The following PCNX1 variants were observed in gnomAD, a reference collection of about 807,000 sequenced individuals.
PCNX1 encodes pecanex 1.
PCNX1 carries 78 observed loss-of-function variants against 242.2 expected under a neutral mutation model. The observed-to-expected ratio is 0.32, with a 90% CI of 0.27 to 0.39. The LOEUF is 0.39. Among genes scored for constraint, PCNX1 ranks in the 10% least tolerant of loss-of-function variants. The pLI, the probability that PCNX1 is intolerant of heterozygous loss-of-function variation, is 1.00. For missense variants in PCNX1, 2,581 were observed against 2,856.5 expected (o/e 0.90, Z 2.20); for synonymous variants, 1,024 against 1,032.9 (o/e 0.99, Z 0.17).
In PCNX1 at chr14:71,026,241, CTT is replaced by C; in HGVS notation, c.3310_3311del (p.Phe1104HisfsTer41). 1 of 1,611,232 alleles carries C rather than the reference CTT, an allele frequency of 6.2e-7. No individual in the cohort carries two copies. The highest frequency in any genetic ancestry group is 8.5e-7 in the Non-Finnish European group (1 of 1,178,468). On this transcript the variant is annotated frameshift_variant, in exon 14 of 36. Transcript: ENST00000304743. LOFTEE classifies it high-confidence loss of function. ...ACCAAGTTCAAATTATATGGAATAA[CTT>C]TCACCAATCCACTGGTGTTTATATC...
chr14:70,955,009 G>T (rs1051657499), intron 2 of PCNX1, among the ~76,000 whole-genome samples: 1 of 152,110 alleles, frequency 6.6e-6, no homozygotes, highest in African/African-American at 2.4e-5. Flanking sequence ...GTACATTGTG[G>T]CTCTCAGTTT....
At chr14:71,027,055 A>C (rs1193839143) in intron 15 of PCNX1, 173 bp downstream of exon 15, 2 of 465,910 alleles carry the variant, frequency 4.3e-6, no homozygotes, top group African/African-American at 4.0e-5. Flanking sequence ...GATAGGAAAA[A>C]ATAGTCAAGT....
At chr14:71,065,515 A>G (rs913697241) in intron 26 of PCNX1, among the ~76,000 whole-genome samples, 2 of 152,176 alleles carry the variant, frequency 1.3e-5, no homozygotes, top group African/African-American at 2.4e-5. Flanking sequence ...GAGTCTGGAT[A>G]TTAACCCTTT....
intron 24 of PCNX1, among the ~76,000 whole-genome samples, chr14:71,053,054 A>G (rs1473304946): frequency 6.6e-6 from 1 of 152,102 alleles, no homozygotes; most frequent in Non-Finnish European, 1.5e-5. Context: ...ATAGGTGAAA[A>G]TTGTAATCTC....
intron 27 of PCNX1, among the ~76,000 whole-genome samples, chr14:71,074,399 A>G (rs1318175287): frequency 6.6e-6 from 1 of 152,242 alleles, no homozygotes; most frequent in Non-Finnish European, 1.5e-5. Flanking sequence ...CACGGAACTC[A>G]GCAAAGTTGT....
intron 1 of PCNX1, among the ~76,000 whole-genome samples, chr14:70,922,709 C>T (rs1304463259): frequency 6.6e-6 from 1 of 151,066 alleles, no homozygotes; most frequent in Admixed American, 6.6e-5. Flanking sequence ...TTAGAGTAAT[C>T]CATTGTATAA....
At chr14:71,048,013 A>T in intron 22 of PCNX1, 29 bp downstream of exon 22, 10 of 1,530,200 alleles carry the variant, frequency 6.5e-6, no homozygotes, top group Non-Finnish European at 9.0e-6. Context: ...GAATATCCTT[A>T]TCTATAAAAA....
At chr14:71,086,987 A>T (rs1172837264) in intron 28 of PCNX1, among the ~76,000 whole-genome samples, 1 of 152,104 alleles carries the variant, frequency 6.6e-6, no homozygotes, top group African/African-American at 2.4e-5. Context: ...GGTAAATCTG[A>T]ATTAAAAAAA....
chr14:71,035,601 A>T (rs2060506845), intron 18 of PCNX1, among the ~76,000 whole-genome samples: 2 of 149,680 alleles, frequency 1.3e-5, no homozygotes, highest in African/African-American at 4.9e-5. Flanking sequence ...CTCTACTAAA[A>T]ATACAAAATA....
At chr14:71,104,976 T>C (rs2062570736) in intron 32 of PCNX1, among the ~76,000 whole-genome samples, 1 of 152,166 alleles carries the variant, frequency 6.6e-6, no homozygotes, top group African/African-American at 2.4e-5. Context: ...AACTGAGTTA[T>C]ATACAGTTCT....
chr14:71,086,785 C>T (rs138371303), intron 28 of PCNX1, among the ~76,000 whole-genome samples: 52 of 152,298 alleles, frequency 3.4e-4, no homozygotes, highest in Non-Finnish European at 6.2e-4. Context: ...TTTGTGCTCC[C>T]CTTTCTTGTG....
At chr14:70,936,772 T>A (rs2057022658) in intron 1 of PCNX1, among the ~76,000 whole-genome samples, 1 of 152,204 alleles carries the variant, frequency 6.6e-6, no homozygotes, top group Admixed American at 6.5e-5. Flanking sequence ...TTCCTATTTC[T>A]CCACATCCTC....
At position 71,045,236 on chromosome 14, in the gene PCNX1, C is replaced by T; in HGVS notation, c.3971C>T (p.Ser1324Phe). The T allele has an allele frequency of 6.2e-7, 1 of 1,613,228 alleles. No homozygotes were observed. Among genetic ancestry groups the T allele is most frequent in the Non-Finnish European group, 8.5e-7 (1 of 1,179,312 alleles). ...AAACAGCTACCATGGCACTGTTTCT[C>T]TCATCCTCTGCTAAAGACACTAGAG... is the stretch of plus-strand genomic sequence containing the variant. ...VRKQLPWHCF[S>F]HPLLKTLEYN... is the part of the protein sequence containing the mutation. The change falls in exon 20 of 36, where the codon TCT becomes TTT. Residue 1324 changes from serine (S) to phenylalanine (F), a missense_variant. By Grantham distance (155) the Ser-to-Phe change is radical (BLOSUM62 -2). Around this residue, in one of 9 missense-constraint regions of PCNX1, gnomAD observed 432 missense variants for 443.1 expected, o/e 0.97. Coordinates refer to ENST00000304743, the MANE Select transcript of PCNX1 (RefSeq NM_014982.3).
chr14:71,044,704 A>G (rs1420895107), intron 19 of PCNX1: 1 of 156,024 alleles, frequency 6.4e-6, no homozygotes, highest in Non-Finnish European at 1.4e-5. Context: ...GGACAGGCAC[A>G]TAACCGTGTG....
Position 71,057,702 on chromosome 14 carries a change from G to C in PCNX1, c.4830G>C (p.Gln1610His). The change falls in exon 26 of 36, where the codon CAG becomes CAC. Residue 1610 changes from glutamine (Q) to histidine (H), a missense_variant. This residue lies in a region of PCNX1 where 54 missense variants were observed against 45.3 expected (regional missense o/e 1.19). Coordinates refer to ENST00000304743, the MANE Select transcript of PCNX1 (RefSeq NM_014982.3). The part of the protein sequence containing the change: ...IEIGNGLVTF[Q>H]LRGLEFRGTY... ...TAGGCAATGGTCTGGTCACTTTTCA[G>C]CTGCGGGGACTTGAATTCAGAGGTA... is the stretch of plus-strand genomic sequence containing the variant. 2 of 1,613,270 alleles carry C rather than the reference G, an allele frequency of 1.2e-6. No homozygotes were observed. Among genetic ancestry groups the C allele is most frequent in the Non-Finnish European group, 1.7e-6 (2 of 1,179,332 alleles).
At chr14:70,993,944 C>T (rs4496061) in intron 7 of PCNX1, among the ~76,000 whole-genome samples, 1 of 152,052 alleles carries the variant, frequency 6.6e-6, no homozygotes, top group Non-Finnish European at 1.5e-5. Flanking sequence ...CAAGATTTAT[C>T]TGTTGATTTA....
chr14:71,032,553 A>T (rs535474050), intron 16 of PCNX1, among the ~76,000 whole-genome samples: 3 of 152,340 alleles, frequency 2.0e-5, no homozygotes, highest in Admixed American at 6.5e-5. Flanking sequence ...GCTATTAAAA[A>T]AATAAAATGT....
intron 1 of PCNX1, among the ~76,000 whole-genome samples, chr14:70,933,978 A>G (rs2056902519): frequency 6.6e-6 from 1 of 152,238 alleles, no homozygotes; most frequent in Non-Finnish European, 1.5e-5. Flanking sequence ...CCAGTGGTGA[A>G]GGAGATAGTG....
At chr14:70,933,867 C>T (rs1349840062) in intron 1 of PCNX1, among the ~76,000 whole-genome samples, 1 of 152,162 alleles carries the variant, frequency 6.6e-6, no homozygotes, top group Non-Finnish European at 1.5e-5. Flanking sequence ...CACTTTGTAA[C>T]ATAGACTGGA....
Sources: allele counts gnomAD v4.1 joint callset (sites outside exome capture counted in the v4.1 genomes callset), GRCh38; gene constraint gnomAD v4.1.1; regional missense constraint gnomAD v4.1.1; transcripts MANE v1.5; gene names NCBI Gene and HGNC (gene_info 2026-07-23, HGNC 2026-07-21).